TCERG1L: variants seen among roughly 807,000 people sequenced by gnomAD.
TCERG1L encodes transcription elongation regulator 1-like protein.
TCERG1L carries 37 observed loss-of-function variants against 56.3 expected under a neutral mutation model. The observed-to-expected ratio is 0.66, with a 90% confidence interval of 0.51 to 0.87. The LOEUF is 0.87. TCERG1L is among the 40% of genes least tolerant of loss of function. The pLI is 0.00. For missense variants in TCERG1L, 799 were observed against 774.2 expected (o/e 1.03, Z -0.38); for synonymous variants, 324 against 326.3 (o/e 0.99, Z 0.08).
At chr10:131,104,067 A>G (rs924552245) in intron 10 of TCERG1L, among the ~76,000 whole-genome samples, 198 bp downstream of exon 10, 1 of 152,244 alleles carries the variant, frequency 6.6e-6, no homozygotes, top group Non-Finnish European at 1.5e-5. Context: ...GGTCATAACC[A>G]AATACTGAGG....
At position 131,309,834 on chromosome 10, in the gene TCERG1L, C is replaced by CAAAAAAAAAAAAAAAAAA. The variant is rs58892586; in HGVS notation, c.343-553_343-536dup. 1.8e-4 allele frequency among the ~76,000 whole-genome samples: 9 copies of CAAAAAAAAAAAAAAAAAA among 49,850 alleles called. 2 individuals carry two copies. Among genetic ancestry groups the CAAAAAAAAAAAAAAAAAA allele is most frequent in the East Asian group, 5.6e-4 (1 of 1,792 alleles). 32.7% of individuals were successfully genotyped at this position (49,850 alleles called of 152,430 possible). A position where few individuals can be genotyped will look rare whatever the true frequency, so the allele number is the denominator to read the frequency against. ...TCACCAATACAAATAGATTCTATGG[C>CAAAAAAAAAAAAAAAAAA]AAAAAAAAAAAAAAAAAAAAAAAAA... is the stretch of plus-strand genomic sequence containing the variant. On this transcript the variant is annotated intron_variant, in intron 1 of 11. Coordinates refer to ENST00000368642, the MANE Select transcript of TCERG1L (RefSeq NM_174937.4).
At chr10:131,273,418 C>T (rs924725198) in intron 3 of TCERG1L, among the ~76,000 whole-genome samples, 14 of 152,310 alleles carry the variant, frequency 9.2e-5, no homozygotes, top group African/African-American at 3.4e-4. Context: ...TTGGCCAAAG[C>T]CCCGGGCTTT....
At chr10:131,142,412 A>G (rs542857766) in intron 7 of TCERG1L, among the ~76,000 whole-genome samples, 1 of 152,334 alleles carries the variant, frequency 6.6e-6, no homozygotes, top group South Asian at 2.1e-4. Flanking sequence ...AAAGTGACCC[A>G]TTCACCAGTC....
chr10:131,141,075 T>C (rs1014301384), intron 7 of TCERG1L, among the ~76,000 whole-genome samples: 1 of 152,192 alleles, frequency 6.6e-6, no homozygotes, highest in African/African-American at 2.4e-5. Flanking sequence ...GAATAGGAGA[T>C]GGACCTGACA....
At chr10:131,200,523 T>C (rs1249067306) in intron 4 of TCERG1L, among the ~76,000 whole-genome samples, 1 of 152,238 alleles carries the variant, frequency 6.6e-6, no homozygotes, top group Non-Finnish European at 1.5e-5. Flanking sequence ...CTTTTTGGAA[T>C]CAGGATGTTT....
chr10:131,099,017 C>A lies in TCERG1L; in HGVS notation c.1486-593G>T, dbSNP rs190898176. Among the ~76,000 whole-genome samples, 381 of 152,276 alleles carry A rather than the reference C, an allele frequency of 2.5e-3. 1 individual carries two copies. The highest frequency in any genetic ancestry group is 4.7e-3 in the Non-Finnish European group (322 of 68,014). On this transcript the variant is annotated intron_variant, in intron 10 of 11. Transcript: ENST00000368642. ...GGTGCCTTGGGGAGGACTCAGGGTG[C>A]ATAAGTGGTCTCTTCTGAGGGGGTC...
chr10:131,311,435 C>T lies in TCERG1L; in HGVS notation c.201G>A (p.Pro67=). The change falls in exon 1 of 12, where the codon CCG becomes CCA. Residue 67 remains proline (P), a synonymous_variant. Coordinates refer to ENST00000368642, the MANE Select transcript of TCERG1L (RefSeq NM_174937.4). The surrounding 1 kb of genome is among the most constrained non-coding windows in gnomAD (Gnocchi z 4.0). The part of the protein sequence containing the change: ...VVPPVLLASA[P]PPAAPLLPGL... ...CGGGGAGCAGCGGGGCCGCGGGCGG[C>T]GGGGCCGAGGCGAGCAGCACCGGGG... is the stretch of plus-strand genomic sequence containing the variant. 1.7e-6 allele frequency: 2 copies of T among 1,176,296 alleles called. No homozygotes were observed. Among genetic ancestry groups the T allele is most frequent in the Non-Finnish European group, 2.1e-6 (2 of 953,928 alleles). 72.9% of individuals were successfully genotyped at this position (1,176,296 alleles called of 1,614,324 possible).
chr10:131,146,222 T>A (rs569989003), intron 7 of TCERG1L, among the ~76,000 whole-genome samples: 1 of 152,242 alleles, frequency 6.6e-6, no homozygotes, highest in East Asian at 1.9e-4. Context: ...GTAACAGTGA[T>A]GCTGGATGGA....
chr10:131,135,259 C>A (rs1845662694), intron 7 of TCERG1L, among the ~76,000 whole-genome samples: 1 of 152,114 alleles, frequency 6.6e-6, no homozygotes, highest in Non-Finnish European at 1.5e-5. Context: ...CTGGGCTGGG[C>A]TAGGCTGAAC....
chr10:131,258,222 T>G (rs1375998359), intron 4 of TCERG1L, among the ~76,000 whole-genome samples: 1 of 152,232 alleles, frequency 6.6e-6, no homozygotes, highest in African/African-American at 2.4e-5. Flanking sequence ...GACAACGCCT[T>G]GCTCCCATCG....
Position 131,097,607 on chromosome 10 carries a change from A to T in TCERG1L, c.1604+699T>A, listed in dbSNP as rs534482450. 1.1e-4 allele frequency among the ~76,000 whole-genome samples: 16 copies of T among 152,328 alleles called. 1 individual carries two copies. The highest frequency in any genetic ancestry group is 3.4e-3 in the Middle Eastern group (1 of 294). ...CGTGATCCACCTGCCTTGGTCTCCC[A>T]AAGTGCTGGGATTATAGGCGTGAGC... On this transcript the variant is annotated intron_variant, in intron 11 of 11. Transcript: ENST00000368642.
chr10:131,110,804 A>G (rs1239740412), intron 9 of TCERG1L, among the ~76,000 whole-genome samples: 1 of 98,502 alleles, frequency 1.0e-5, no homozygotes, highest in African/African-American at 3.0e-5. Flanking sequence ...GGTTCAATTC[A>G]AGTAAAGTGG....
intron 3 of TCERG1L, among the ~76,000 whole-genome samples, chr10:131,304,899 G>A (rs1320626317): frequency 6.6e-6 from 1 of 152,006 alleles, no homozygotes; most frequent in African/African-American, 2.4e-5. Context: ...CAGGTCTCAT[G>A]TGATGGGACT....
intron 6 of TCERG1L, among the ~76,000 whole-genome samples, chr10:131,149,371 C>T (rs1349096100): frequency 1.4e-5 from 2 of 145,034 alleles, no homozygotes; most frequent in Non-Finnish European, 3.1e-5. Flanking sequence ...TTGTCCCCAG[C>T]AAGCCCAGGC....
At chr10:131,215,183 T>C (rs1372780353) in intron 4 of TCERG1L, among the ~76,000 whole-genome samples, 1 of 152,320 alleles carries the variant, frequency 6.6e-6, no homozygotes, top group East Asian at 1.9e-4. Context: ...TCCCTTTATT[T>C]GAAAGCCTCC....
rs148913526 is a variant in TCERG1L at position 131,311,339 on chromosome 10, G to A, written c.297C>T (p.Ser99=). ...PLLPLPSAPD[S]AAAAAAHPFP... ...AGGGGTGCGCGGCGGCGGCGGCGGC[G>A]GAGTCTGGCGCAGAGGGCAGCGGCA... The change falls in exon 1 of 12, where the codon TCC becomes TCT. Residue 99 remains serine (S), a synonymous_variant. Transcript: ENST00000368642. This position sits in a 1 kb window ranked among gnomAD's most constrained non-coding sequence, Gnocchi z 4.0. 0.28 allele frequency: 341,975 copies of A among 1,204,490 alleles called. 49,720 individuals are homozygous for A. The highest frequency in any genetic ancestry group is 0.37 in the South Asian group (8,850 of 24,170). 74.6% of individuals were successfully genotyped at this position (1,204,490 alleles called of 1,614,324 possible). A position where few individuals can be genotyped will look rare whatever the true frequency, so the allele number is the denominator to read the frequency against.
rs368018608 is a variant in TCERG1L at position 131,104,366 on chromosome 10, T to A, written c.1396-12A>T. 6 of 1,519,282 alleles carry A rather than the reference T, an allele frequency of 3.9e-6. No homozygotes were observed. The African/African-American group carries it at 8.3e-5, about 21-fold the overall frequency. 94.1% of individuals were successfully genotyped at this position (1,519,282 alleles called of 1,614,324 possible). A position where few individuals can be genotyped will look rare whatever the true frequency, so the allele number is the denominator to read the frequency against. On this transcript the variant is annotated splice_polypyrimidine_tract_variant and intron_variant, in intron 9 of 11. Coordinates refer to ENST00000368642, the MANE Select transcript of TCERG1L (RefSeq NM_174937.4). ...GAAAATGCTGATACCTAAAGAAAGA[T>A]ATTCAATAGAGTTGCTGTTAGCGTC... is the stretch of plus-strand genomic sequence containing the variant.
intron 4 of TCERG1L, among the ~76,000 whole-genome samples, chr10:131,173,048 G>A (rs1205917114): frequency 4.0e-5 from 6 of 151,836 alleles, no homozygotes; most frequent in Admixed American, 6.6e-5. Flanking sequence ...CCGCCACCAC[G>A]CCCAGCTAAT....
Position 131,212,907 on chromosome 10 carries a change from C to T in TCERG1L, c.857-46022G>A, listed in dbSNP as rs61861216. On this transcript the variant is annotated intron_variant, in intron 4 of 11. Coordinates refer to ENST00000368642, the MANE Select transcript of TCERG1L (RefSeq NM_174937.4). The stretch of plus-strand genomic sequence containing the variant: ...CACAGGCATTACATGGGGCTAGCAC[C>T]GCTGGAGTGCTTCTTACCCAGAGGT... Among the ~76,000 whole-genome samples the T allele has an allele frequency of 3.2e-3, 481 of 152,334 alleles. 1 individual carries two copies. Among genetic ancestry groups the T allele is most frequent in the Non-Finnish European group, 4.2e-3 (284 of 68,030 alleles).
Sources: allele counts gnomAD v4.1 joint callset (sites outside exome capture counted in the v4.1 genomes callset), GRCh38; gene constraint gnomAD v4.1.1; non-coding constraint Gnocchi (gnomAD v3.1); transcripts MANE v1.5; gene names NCBI Gene and HGNC (gene_info 2026-07-23, HGNC 2026-07-21).